SIPA1L3: variants seen among roughly 807,000 people sequenced by gnomAD.
The protein encoded by SIPA1L3 is signal-induced proliferation-associated 1-like protein 3.
Under a neutral mutation model 150.1 loss-of-function variants are expected in SIPA1L3, and 59 were observed. The ratio of observed to expected loss-of-function variants is 0.39; its 90% CI spans 0.32 to 0.49. The LOEUF (loss-of-function observed/expected upper bound fraction) is 0.49. Among genes scored for constraint, SIPA1L3 ranks in the 20% least tolerant of loss-of-function variants. The pLI is 0.86. For synonymous variants in SIPA1L3, 1,070 were observed against 1,077.6 expected, an observed-to-expected ratio of 0.99 and a Z score of 0.14; for missense variants, 2,211 against 2,489.5, an observed-to-expected ratio of 0.89 and a Z score of 2.38.
intron 15 of SIPA1L3, among the ~76,000 whole-genome samples, chr19:38,171,895 C>T (rs1413099156): frequency 1.3e-5 from 2 of 152,034 alleles, no homozygotes; most frequent in African/African-American, 2.4e-5. Context: ...GAGCAAGGCC[C>T]TGGAGGTAGG....
At chr19:38,101,286 AAG>A (rs1169103637) in intron 6 of SIPA1L3, 60 bp downstream of exon 6, 1 of 1,275,036 alleles carries the variant, frequency 7.8e-7, no homozygotes, top group Non-Finnish European at 1.0e-6. Flanking sequence ...TCAACAGGCA[AAG>A]CTTAAAAGGC....
chr19:37,914,816 A>G (rs2046403301), intron 1 of SIPA1L3, among the ~76,000 whole-genome samples: 1 of 152,118 alleles, frequency 6.6e-6, no homozygotes, highest in African/African-American at 2.4e-5. Flanking sequence ...ACTTTTTTAT[A>G]AAATAATAAT....
chr19:38,147,504 CTT>C (rs1194905068), intron 12 of SIPA1L3, among the ~76,000 whole-genome samples: 1 of 151,770 alleles, frequency 6.6e-6, no homozygotes, highest in Non-Finnish European at 1.5e-5. Flanking sequence ...AAGTTTTACT[CTT>C]TTACATTTAA....
intron 1 of SIPA1L3, among the ~76,000 whole-genome samples, chr19:37,940,444 T>C (rs1407406528): frequency 6.6e-6 from 1 of 152,188 alleles, no homozygotes; most frequent in Non-Finnish European, 1.5e-5. Context: ...TTTAAAGACA[T>C]AATGAGAAGA....
intron 10 of SIPA1L3, among the ~76,000 whole-genome samples, chr19:38,132,339 CACCAGGCGGGAGTTCAAGACCAGCCTGA>C (rs1275550675): frequency 6.6e-6 from 1 of 151,696 alleles, no homozygotes; most frequent in Non-Finnish European, 1.5e-5. Context: ...GCGGGCGGAT[CACCAGGCGGGAGTTCAAGACCAGCCTGA>C]ACCAGGCTGG....
rs545824142 is a variant in SIPA1L3 at position 38,112,012 on chromosome 19, C to T, written c.2291+1628C>T. On this transcript the variant is annotated intron_variant, in intron 8 of 21. Coordinates refer to ENST00000222345, the MANE Select transcript of SIPA1L3 (RefSeq NM_015073.3). ...GCACACACCTGCACACAGGCACACA[C>T]ATGCACACACACGTATGCACACACC... Among the ~76,000 whole-genome samples, 1,198 of 148,708 alleles carry T rather than the reference C, an allele frequency of 8.1e-3. 47 individuals carry two copies. The South Asian group carries it at 0.12, about 15-fold the overall frequency.
intron 19 of SIPA1L3, chr19:38,199,905 A>G (rs980321941): frequency 6.6e-6 from 1 of 152,122 alleles, no homozygotes; most frequent in African/African-American, 2.4e-5. Flanking sequence ...GTTTCTACAG[A>G]TGAAATACAA....
chr19:38,206,302 C>CTG lies in SIPA1L3; in HGVS notation c.*62_*63insTG, dbSNP rs1300118507. The CTG allele has an allele frequency of 6.7e-7, 1 of 1,483,462 alleles. No homozygotes were observed. The highest frequency in any genetic ancestry group is 9.0e-7 in the Non-Finnish European group (1 of 1,107,936). The allele number at this position is 1,483,462 out of a possible 1,614,324, so 91.9% of individuals were successfully genotyped here. The stretch of plus-strand genomic sequence containing the variant: ...CAGGCCGTGGCCCTGCTGCCTCTCT[C>CTG]CCTCCACTCAGCTCCCAGCTGCCGG... On this transcript the variant is annotated 3_prime_UTR_variant, in exon 22 of 22. Transcript: ENST00000222345.
intron 2 of SIPA1L3, among the ~76,000 whole-genome samples, chr19:38,064,419 G>C (rs555081279): frequency 6.6e-6 from 1 of 152,328 alleles, no homozygotes; most frequent in African/African-American, 2.4e-5. Context: ...AATGAAGGCC[G>C]GGCACAGTGG....
chr19:38,154,598 C>T (rs1241245479), intron 13 of SIPA1L3, among the ~76,000 whole-genome samples: 2 of 152,116 alleles, frequency 1.3e-5, no homozygotes, highest in Non-Finnish European at 2.9e-5. Context: ...CAGACATGCG[C>T]CACCACACCT....
intron 16 of SIPA1L3, among the ~76,000 whole-genome samples, chr19:38,187,034 A>G: frequency 6.6e-6 from 1 of 150,558 alleles, no homozygotes; most frequent in South Asian, 2.1e-4. Context: ...AAAAATCACA[A>G]CCAGATGCAG....
chr19:37,942,196 A>G (rs992785271), intron 1 of SIPA1L3, among the ~76,000 whole-genome samples: 2 of 152,064 alleles, frequency 1.3e-5, no homozygotes, highest in Non-Finnish European at 2.9e-5. Flanking sequence ...CCTGGAGTTC[A>G]TTGTTTAGGT....
chr19:38,149,395 A>G (rs1408578614), intron 12 of SIPA1L3, among the ~76,000 whole-genome samples: 1 of 152,190 alleles, frequency 6.6e-6, no homozygotes, highest in African/African-American at 2.4e-5. Context: ...AAAAAAACAA[A>G]AAAAGTCTTG....
chr19:38,005,567 C>A (rs1314975092), intron 1 of SIPA1L3, among the ~76,000 whole-genome samples: 1 of 152,212 alleles, frequency 6.6e-6, no homozygotes, highest in African/African-American at 2.4e-5. Context: ...GAAGCCCACC[C>A]CGCCCTTCTT....
chr19:37,910,627 CAG>C (rs1568460690), intron 1 of SIPA1L3, among the ~76,000 whole-genome samples: 2 of 151,966 alleles, frequency 1.3e-5, no homozygotes, highest in African/African-American at 4.8e-5. Flanking sequence ...TGTTTTTAGA[CAG>C]AGTCTTGCTC....
At chr19:38,100,903 A>G in intron 5 of SIPA1L3, 149 bp from the exon 6 acceptor site, 1 of 840,848 alleles carries the variant, frequency 1.2e-6, no homozygotes, top group Non-Finnish European at 1.6e-6. Context: ...CCATGCCCCA[A>G]CACTGTTTTC....
At chr19:38,189,423 G>C (rs983648522) in intron 16 of SIPA1L3, among the ~76,000 whole-genome samples, 1 of 152,052 alleles carries the variant, frequency 6.6e-6, no homozygotes, top group Non-Finnish European at 1.5e-5. Flanking sequence ...GAGCCACCAT[G>C]CCTGACCTAA....
At chr19:38,162,487 G>A (rs1238253676) in intron 14 of SIPA1L3, 116 bp downstream of exon 14, 1 of 753,652 alleles carries the variant, frequency 1.3e-6, no homozygotes, top group Admixed American at 2.2e-5. Flanking sequence ...CAGCAGAGGG[G>A]TTGAATACTT....
chr19:37,956,776 G>A (rs1160764543), intron 1 of SIPA1L3, among the ~76,000 whole-genome samples: 1 of 152,060 alleles, frequency 6.6e-6, no homozygotes, highest in Admixed American at 6.6e-5. Flanking sequence ...GAGCCACCAC[G>A]CCCACCCTAA....
Sources: allele counts gnomAD v4.1 joint callset (sites outside exome capture counted in the v4.1 genomes callset), GRCh38; gene constraint gnomAD v4.1.1; transcripts MANE v1.5; gene names NCBI Gene and HGNC (gene_info 2026-07-23, HGNC 2026-07-21).